Variants in ARFGEF2 observed in about 807,000 individuals in gnomAD.
ARFGEF2 encodes brefeldin A-inhibited guanine nucleotide-exchange protein 2.
A neutral mutation model predicts 219.9 loss-of-function variants in ARFGEF2; 74 were observed. The observed-to-expected ratio is 0.34, with a 90% CI of 0.28 to 0.41. ARFGEF2 has a LOEUF of 0.41. Ranked by LOEUF, ARFGEF2 falls within the 10% of genes least tolerant of loss-of-function variation. The probability of loss-of-function intolerance (pLI) is 1.00; values close to 1 mark genes in which losing one functional copy is unlikely to be tolerated. For missense variants in ARFGEF2, 1,743 were observed against 2,218.3 expected (o/e 0.79, Z 4.30); for synonymous variants, 733 against 799.2 (o/e 0.92, Z 1.40).
At chr20:48,961,583 G>T (rs1430066878) in intron 6 of ARFGEF2, among the ~76,000 whole-genome samples, 1 of 151,910 alleles carries the variant, frequency 6.6e-6, no homozygotes, top group Admixed American at 6.6e-5. Flanking sequence ...TATAGTATAG[G>T]CTGAGCACGG....
intron 34 of ARFGEF2, among the ~76,000 whole-genome samples, chr20:49,022,468 G>A (rs2091571943): frequency 6.6e-6 from 1 of 152,042 alleles, no homozygotes; most frequent in Non-Finnish European, 1.5e-5. Context: ...CTCTTCAGAG[G>A]GGCTGGCTAC....
At chr20:48,924,658 TAG>T (rs528546936) in intron 1 of ARFGEF2, among the ~76,000 whole-genome samples, 1 of 152,158 alleles carries the variant, frequency 6.6e-6, no homozygotes, top group South Asian at 2.1e-4. Flanking sequence ...GCTTGGATGA[TAG>T]AGAGCATTTA....
At chr20:48,954,602 T>G (rs1177509752) in intron 6 of ARFGEF2, among the ~76,000 whole-genome samples, 2 of 152,258 alleles carry the variant, frequency 1.3e-5, no homozygotes, top group African/African-American at 4.8e-5. Flanking sequence ...CTGTTGGTAG[T>G]ATGTTCCCTA....
chr20:49,025,360 C>A lies in ARFGEF2; in HGVS notation c.4803C>A (p.Gly1601=). Residue 1601 remains glycine (G), a synonymous_variant, in exon 36 of 39, where the codon GGC becomes GGA. Coordinates refer to ENST00000371917, the MANE Select transcript of ARFGEF2 (RefSeq NM_006420.3). ...ADIHIETEDQ[G]MYKYMSSQHL... ...TCCACATAGAGACGGAGGATCAGGG[C>A]ATGTATAAGTACATGTCTTCCCAGC... The A allele has an allele frequency of 6.2e-7, 1 of 1,613,924 alleles. No individual in the cohort carries two copies.
At chr20:48,925,838 A>G (rs1404205490) in intron 1 of ARFGEF2, among the ~76,000 whole-genome samples, 1 of 152,210 alleles carries the variant, frequency 6.6e-6, no homozygotes, top group African/African-American at 2.4e-5. Context: ...CCCTCACACA[A>G]AAGTGCTAAG....
chr20:49,017,437 C>A, intron 32 of ARFGEF2, 50 bp downstream of exon 32: 1 of 1,613,570 alleles, frequency 6.2e-7, no homozygotes, highest in South Asian at 1.1e-5. Context: ...CAGTGGATGT[C>A]TTAAAGCTCC....
intron 25 of ARFGEF2, among the ~76,000 whole-genome samples, chr20:49,001,956 C>T (rs4810907): frequency 0.32 from 48,408 of 152,066 alleles, 7,933 homozygotes; most frequent in East Asian, 0.47. Context: ...TAATAAAATA[C>T]ACATAACAGG....
At chr20:48,969,991 A>G (rs534370912) in intron 9 of ARFGEF2, among the ~76,000 whole-genome samples, 3 of 152,316 alleles carry the variant, frequency 2.0e-5, no homozygotes, top group African/African-American at 7.2e-5. Flanking sequence ...CAATTCATCT[A>G]TTACTAATGC....
chr20:48,987,904 C>T (rs1200193706), intron 16 of ARFGEF2, among the ~76,000 whole-genome samples: 1 of 152,180 alleles, frequency 6.6e-6, no homozygotes, highest in Non-Finnish European at 1.5e-5. Context: ...TCTCCTGCCT[C>T]AGTCTCCCGA....
At chr20:48,968,728 T>C (rs1435044175) in intron 8 of ARFGEF2, among the ~76,000 whole-genome samples, 1 of 152,176 alleles carries the variant, frequency 6.6e-6, no homozygotes, top group Non-Finnish European at 1.5e-5. Flanking sequence ...GTATTAGTTT[T>C]GGTTTTTTTA....
chr20:48,999,334 C>T (rs757915393), intron 25 of ARFGEF2: 1 of 390,964 alleles, frequency 2.6e-6, no homozygotes, highest in Non-Finnish European at 5.0e-6. Flanking sequence ...CCAGACTGAA[C>T]TTCTTCCTCG....
At chr20:49,029,553 G>A (rs2091621569) in intron 37 of ARFGEF2, among the ~76,000 whole-genome samples, 1 of 152,022 alleles carries the variant, frequency 6.6e-6, no homozygotes, top group Admixed American at 6.6e-5. Flanking sequence ...GCTGTAATAT[G>A]TCCTAAATTA....
intron 38 of ARFGEF2, among the ~76,000 whole-genome samples, chr20:49,032,635 C>G (rs2091643260): frequency 6.6e-6 from 1 of 151,534 alleles, no homozygotes; most frequent in Non-Finnish European, 1.5e-5. Flanking sequence ...GTCTGTCACA[C>G]AGGCTGGAAT....
At chr20:48,997,575 C>T (rs981692487) in intron 23 of ARFGEF2, among the ~76,000 whole-genome samples, 1 of 151,998 alleles carries the variant, frequency 6.6e-6, no homozygotes, top group Non-Finnish European at 1.5e-5. Flanking sequence ...GCCTGGGCTC[C>T]CCCGTCTTTT....
intron 14 of ARFGEF2, among the ~76,000 whole-genome samples, chr20:48,980,031 ATTTG>A (rs1406115652): frequency 6.6e-6 from 1 of 151,568 alleles, no homozygotes; most frequent in East Asian, 1.9e-4. Flanking sequence ...TAGCTTTTGA[ATTTG>A]TTTGTTCTTG....
At chr20:48,981,113 T>A (rs909360766) in intron 14 of ARFGEF2, among the ~76,000 whole-genome samples, 83 of 152,252 alleles carry the variant, frequency 5.5e-4, no homozygotes, top group African/African-American at 2.0e-3. Context: ...TTGCAGTGGC[T>A]TGTACCAGTT....
intron 30 of ARFGEF2, among the ~76,000 whole-genome samples, chr20:49,014,958 T>G (rs986985139): frequency 1.3e-5 from 2 of 152,246 alleles, no homozygotes; most frequent in African/African-American, 4.8e-5. Context: ...TGCTTTCATC[T>G]GTGTGTCCAC....
At chr20:49,001,054 C>CTTTTTTTTTTTTTTTTTTTTTTTTTT (rs66754799) in intron 25 of ARFGEF2, among the ~76,000 whole-genome samples, 2 of 60,564 alleles carry the variant, frequency 3.3e-5, no homozygotes, top group Non-Finnish European at 6.6e-5. Flanking sequence ...CTCAGGAACT[C>CTTTTTTTTTTTTTTTTTTTTTTTTTT]TTTTTTTTTT....
At chr20:48,933,727 G>A (rs1176875625) in intron 1 of ARFGEF2, among the ~76,000 whole-genome samples, 2 of 152,086 alleles carry the variant, frequency 1.3e-5, no homozygotes, top group African/African-American at 4.8e-5. Flanking sequence ...TCATGGCGGT[G>A]TCAAGAGAAT....
Sources: gnomAD v4.1 joint callset for allele counts (sites outside exome capture counted in the v4.1 genomes callset) on GRCh38, gnomAD v4.1.1 for gene constraint, MANE v1.5 for transcripts, NCBI Gene and HGNC (gene_info 2026-07-23, HGNC 2026-07-21) for gene names.